SCLT1: variants seen among roughly 807,000 people sequenced by gnomAD.
SCLT1 encodes sodium channel and clathrin linker 1.
In SCLT1, 78 loss-of-function variants were observed where a neutral mutation model predicts 112.8. The ratio of observed to expected loss-of-function variants is 0.69; its 90% CI spans 0.58 to 0.83. The LOEUF is 0.83. Among genes scored for constraint, SCLT1 ranks in the 40% least tolerant of loss-of-function variants. The pLI is 0.00. For missense variants in SCLT1, 747 were observed against 770.4 expected (o/e 0.97, Z 0.36); for synonymous variants, 257 against 254.7 (o/e 1.01, Z -0.09).
chr4:129,073,018 C>G (rs1443349980), intron 2 of SCLT1, among the ~76,000 whole-genome samples: 1 of 152,140 alleles, frequency 6.6e-6, no homozygotes, highest in Admixed American at 6.6e-5. Context: ...CACTCTGCCC[C>G]TTTTTCTATG....
In SCLT1 at chr4:129,074,862, C is replaced by T. The variant is rs72926064; in HGVS notation, c.102+7444G>A. Among the ~76,000 whole-genome samples the T allele has an allele frequency of 5.8e-3, 876 of 152,142 alleles. 10 individuals are homozygous for T. The highest frequency in any genetic ancestry group is 0.02 in the African/African-American group (824 of 41,506). On this transcript the variant is annotated intron_variant, in intron 2 of 20. Transcript: ENST00000281142. ...AACTATAGGCATGCACCATCATGCC[C>T]GGCTAATTTTTTAACTTTTTATAGA...
At chr4:129,025,838 T>C (rs1746012240) in intron 5 of SCLT1, among the ~76,000 whole-genome samples, 2 of 150,954 alleles carry the variant, frequency 1.3e-5, no homozygotes, top group Non-Finnish European at 3.0e-5. Context: ...AGGCTCAAAA[T>C]AAAAGGATGG....
At chr4:128,944,438 C>T (rs1737971379) in intron 16 of SCLT1, among the ~76,000 whole-genome samples, 1 of 152,074 alleles carries the variant, frequency 6.6e-6, no homozygotes, top group Admixed American at 6.6e-5. Flanking sequence ...GGTCTAATTG[C>T]TAGTTTTTAG....
chr4:129,026,463 T>C (rs1317099844), intron 5 of SCLT1, among the ~76,000 whole-genome samples: 15 of 151,802 alleles, frequency 9.9e-5, no homozygotes, highest in Admixed American at 3.9e-4. Context: ...GGGTAAATAA[T>C]GAAATGAAGG....
At chr4:128,900,180 AAGTTCATATGGAACCAAAAAAAG>A (rs1371432069) in intron 18 of SCLT1, among the ~76,000 whole-genome samples, 2 of 152,220 alleles carry the variant, frequency 1.3e-5, no homozygotes, top group Non-Finnish European at 2.9e-5. Context: ...AACTACTTGA[AAGTTCATATGGAACCAAAAAAAG>A]AGCCTGCATC....
chr4:129,059,591 T>C (rs1012018105), intron 2 of SCLT1, among the ~76,000 whole-genome samples: 1 of 152,174 alleles, frequency 6.6e-6, no homozygotes. Flanking sequence ...GGGAAAACTC[T>C]TTCTCCCTCA....
downstream of SCLT1, among the ~76,000 whole-genome samples, chr4:128,881,272 A>G (rs995472686): frequency 2.6e-5 from 4 of 152,310 alleles, no homozygotes; most frequent in East Asian, 3.9e-4. Context: ...TTTTTGCAAA[A>G]AAGCTCATTA....
At chr4:129,026,370 C>G (rs1015535547) in intron 5 of SCLT1, among the ~76,000 whole-genome samples, 1 of 152,066 alleles carries the variant, frequency 6.6e-6, no homozygotes, top group Non-Finnish European at 1.5e-5. Context: ...ACAGTGCAAT[C>G]AAACTAGAAC....
intron 17 of SCLT1, among the ~76,000 whole-genome samples, chr4:128,937,340 C>T (rs73850040): frequency 0.033 from 4,953 of 150,496 alleles, 218 homozygotes; most frequent in African/African-American, 0.1. Context: ...TCATTACAAA[C>T]GAAAACTTAT....
At chr4:128,952,599 G>A (rs1738850507) in intron 14 of SCLT1, 170 bp downstream of exon 14, 2 of 614,058 alleles carry the variant, frequency 3.3e-6, no homozygotes, top group Admixed American at 2.9e-5. Context: ...TAGAACATAA[G>A]CCACAAGGCT....
intron 3 of SCLT1, among the ~76,000 whole-genome samples, chr4:128,878,955 G>A (rs141713709): frequency 8.5e-4 from 122 of 143,020 alleles, no homozygotes; most frequent in African/African-American, 2.9e-3. Flanking sequence ...GTGCCAGTCA[G>A]AAAGGGAATT....
In SCLT1 at chr4:128,991,440, A is replaced by C. The variant is rs545868557; in HGVS notation, c.686+727T>G. ...TAAAGATTTCTTGAGGAGGACTTCA[A>C]AAGTACAGGCAACCAAAGCAAAAAT... On this transcript the variant is annotated intron_variant, in intron 9 of 20. Coordinates refer to ENST00000281142, the MANE Select transcript of SCLT1 (RefSeq NM_144643.4). Among the ~76,000 whole-genome samples, 3 of 152,010 alleles carry C rather than the reference A, an allele frequency of 2.0e-5. No homozygotes were observed. The South Asian group carries it at 6.2e-4, about 31-fold the overall frequency.
At chr4:129,037,422 AC>A (rs2125689634) in intron 5 of SCLT1, 1 of 152,304 alleles carries the variant, frequency 6.6e-6, no homozygotes, top group South Asian at 2.1e-4. Flanking sequence ...GTGAGCTGAG[AC>A]CATTTTTTCT....
At chr4:129,060,857 T>C (rs1749903168) in intron 2 of SCLT1, among the ~76,000 whole-genome samples, 1 of 152,120 alleles carries the variant, frequency 6.6e-6, no homozygotes, top group African/African-American at 2.4e-5. Context: ...CAGCATTTCA[T>C]CTATCCTTTG....
At chr4:128,925,057 T>G (rs560523089) in intron 18 of SCLT1, among the ~76,000 whole-genome samples, 1 of 152,218 alleles carries the variant, frequency 6.6e-6, no homozygotes, top group South Asian at 2.1e-4. Flanking sequence ...CCAATGCCAG[T>G]TAAGACCCGA....
At chr4:128,889,490 C>A (rs949361169) in intron 19 of SCLT1, among the ~76,000 whole-genome samples, 1 of 152,170 alleles carries the variant, frequency 6.6e-6, no homozygotes, top group African/African-American at 2.4e-5. Flanking sequence ...TCACAGCTCT[C>A]AGAAGGAACT....
intron 18 of SCLT1, among the ~76,000 whole-genome samples, chr4:128,929,712 C>G (rs960557679): frequency 3.3e-5 from 5 of 152,024 alleles, no homozygotes; most frequent in African/African-American, 9.7e-5. Context: ...CAAATTATGA[C>G]AAAAGGGGCA....
At chr4:128,947,583 ACTTAAC>A (rs1166105212) in intron 15 of SCLT1, among the ~76,000 whole-genome samples, 5 of 152,338 alleles carry the variant, frequency 3.3e-5, no homozygotes, top group Admixed American at 2.6e-4. Context: ...TGGGTAAGTT[ACTTAAC>A]CTCTCTATGA....
chr4:128,880,364 G>A (rs1732613235), downstream of SCLT1, among the ~76,000 whole-genome samples: 2 of 152,084 alleles, frequency 1.3e-5, no homozygotes, highest in African/African-American at 2.4e-5. Context: ...TTTATCTGAT[G>A]TGTGGCTAGC....
Sources: gnomAD v4.1 joint callset for allele counts (sites outside exome capture counted in the v4.1 genomes callset) on GRCh38, gnomAD v4.1.1 for gene constraint, MANE v1.5 for transcripts, NCBI Gene and HGNC (gene_info 2026-07-23, HGNC 2026-07-21) for gene names.